ZNF507: variants seen among roughly 807,000 people sequenced by gnomAD.
The protein encoded by ZNF507 is zinc finger protein 507.
Under a neutral mutation model 80.0 loss-of-function variants are expected in ZNF507, and 29 were observed. The ratio of observed to expected loss-of-function variants is 0.36; its 90% CI spans 0.27 to 0.49. The LOEUF (loss-of-function observed/expected upper bound fraction) is 0.49. Among genes scored for constraint, ZNF507 ranks in the 20% least tolerant of loss-of-function variants. ZNF507 has a pLI of 0.98. For synonymous variants in ZNF507, 462 were observed against 422.5 expected, an observed-to-expected ratio of 1.09 and a Z score of -1.15; for missense variants, 1,081 against 1,152.2, an observed-to-expected ratio of 0.94 and a Z score of 0.90.
At position 32,383,233 on chromosome 19, in the gene ZNF507, T is replaced by A; in HGVS notation, c.*150T>A. The A allele has an allele frequency of 2.0e-6, 2 of 1,006,320 alleles. No homozygotes were observed. Among genetic ancestry groups the A allele is most frequent in the Non-Finnish European group, 2.9e-6 (2 of 698,410 alleles). The allele number at this position is 1,006,320 out of a possible 1,614,324, so 62.3% of individuals were successfully genotyped here. ...AGATGTGACTTTGGAACCAAACTTG[T>A]AATAAAAGGAATTCCAAATGGACAA... On this transcript the variant is annotated 3_prime_UTR_variant, in exon 7 of 7. Transcript: ENST00000355898.
intron 5 of ZNF507, among the ~76,000 whole-genome samples, chr19:32,377,525 A>G (rs1182545968): frequency 6.6e-6 from 1 of 152,252 alleles, no homozygotes; most frequent in Non-Finnish European, 1.5e-5. Context: ...TATATCTAGC[A>G]TTAACTCTTG....
chr19:32,356,640 G>GAAC lies in ZNF507; in HGVS notation c.2154_2156dup (p.Gln719dup). ...GAGTCAATTGAGGAACCATGAGAGA[G>GAAC]AACAGCACAGTCTTCCAGATACCTT... On this transcript the variant is annotated inframe_insertion, in exon 4 of 7. Transcript: ENST00000355898. 6.2e-7 allele frequency: 1 copy of GAAC among 1,614,080 alleles called. No individual in the cohort carries two copies. Among genetic ancestry groups the GAAC allele is most frequent in the South Asian group, 1.1e-5 (1 of 91,082 alleles).
rs2270399 is a variant in ZNF507, at chr19:32,382,792, A to G, written c.2571A>G (p.Ser857=). The change falls in exon 7 of 7, where the codon TCA becomes TCG. Residue 857 remains serine, a synonymous_variant. Coordinates refer to ENST00000355898, the MANE Select transcript of ZNF507 (RefSeq NM_001136156.2). ...EESADPVTGS[S]ENAVSSSELM... Reference sequence around the variant, plus strand: ...GTGCAGATCCCGTCACTGGAAGTTCAGAAAATGCAGTGTCATCTTCAGAAC... The same window carrying G: ...GTGCAGATCCCGTCACTGGAAGTTCGGAAAATGCAGTGTCATCTTCAGAAC... 0.9 allele frequency: 1,450,647 copies of G among 1,614,012 alleles called. 652,619 individuals are homozygous for G. The highest frequency in any genetic ancestry group is 0.98 in the African/African-American group (73,669 of 74,986).
At chr19:32,355,614 T>C (rs760012083) in intron 3 of ZNF507, among the ~76,000 whole-genome samples, 8 of 152,208 alleles carry the variant, frequency 5.3e-5, no homozygotes, top group Non-Finnish European at 1.0e-4. Context: ...AAACGTTGAA[T>C]CATTGGTTTA....
In ZNF507 at chr19:32,386,215, T is replaced by C. The variant is rs111237571; in HGVS notation, c.*3132T>C. Reference sequence around the variant, plus strand: ...CTTTGTTCTGGATCTTTCTTCCTATTGAAGGTGGCTGCTGGTGGCTTCATA... The same window carrying C: ...CTTTGTTCTGGATCTTTCTTCCTATCGAAGGTGGCTGCTGGTGGCTTCATA... On this transcript the variant is annotated 3_prime_UTR_variant, in exon 7 of 7. Transcript: ENST00000355898. 5 of 152,762 alleles carry C rather than the reference T, an allele frequency of 3.3e-5. No individual in the cohort carries two copies. The highest frequency in any genetic ancestry group is 1.2e-4 in the African/African-American group (5 of 41,582). The allele number at this position is 152,762 out of a possible 1,614,324, so 9.5% of individuals were successfully genotyped here.
Position 32,354,811 on chromosome 19 carries a change from C to G in ZNF507, c.1981C>G (p.Arg661Gly), listed in dbSNP as rs139938701. 4 of 1,614,160 alleles carry G rather than the reference C, an allele frequency of 2.5e-6. No homozygotes were observed. Among genetic ancestry groups the G allele is most frequent in the Non-Finnish European group, 3.4e-6 (4 of 1,180,034 alleles). Residue 661 changes from arginine (R) to glycine (G), a missense_variant, in exon 3 of 7, where the codon CGA (arginine) becomes GGA (glycine). Arg to Gly is a moderately radical substitution (Grantham distance 125). Coordinates refer to ENST00000355898, the MANE Select transcript of ZNF507 (RefSeq NM_001136156.2). ...CAAGGGCTACATCAAGCAGCACTTA[C>G]GAGTCCATCGACAGAGACAGCCTTA... ...GNKGYIKQHL[R>G]VHRQRQPYQC...
chr19:32,379,784 T>C (rs1007096566), intron 5 of ZNF507, among the ~76,000 whole-genome samples: 3 of 120,520 alleles, frequency 2.5e-5, no homozygotes, highest in African/African-American at 6.2e-5. Context: ...TGGGGGTTTT[T>C]TGGTTGTTGT....
rs531017302 is a variant in ZNF507, at chr19:32,385,138, T to A, written c.*2055T>A. On this transcript the variant is annotated 3_prime_UTR_variant, in exon 7 of 7. Transcript: ENST00000355898. The stretch of plus-strand genomic sequence containing the variant: ...CTTGGCTTTAGTTTTATATCATATT[T>A]AGAAAATAATAATGAAAAGCATCCC... 6.6e-6 allele frequency: 1 copy of A among 152,254 alleles called. No homozygotes were observed. Among genetic ancestry groups the A allele is most frequent in the African/African-American group, 2.4e-5 (1 of 41,562 alleles). 9.4% of individuals were successfully genotyped at this position (152,254 alleles called of 1,614,324 possible).
In ZNF507 at chr19:32,353,096, C is replaced by T. The variant is rs1967192772; in HGVS notation, c.266C>T (p.Pro89Leu). The T allele has an allele frequency of 5.0e-6, 8 of 1,614,042 alleles. No individual in the cohort carries two copies. Among genetic ancestry groups the T allele is most frequent in the Middle Eastern group, 1.6e-4 (1 of 6,084 alleles). The change falls in exon 3 of 7, where the codon CCG becomes CTG. Residue 89 changes from proline to leucine, a missense_variant. This residue lies in a region of ZNF507 where 275 missense variants were observed against 303.9 expected (regional missense o/e 0.90). Coordinates refer to ENST00000355898, the MANE Select transcript of ZNF507 (RefSeq NM_001136156.2). The part of the protein sequence containing the change: ...SLETQELCEI[P>L]AKVIQSPAAD... Reference sequence around the variant, plus strand: ...GAAACCCAAGAACTTTGTGAGATTCCGGCTAAAGTAATCCAGTCACCTGCT... The same window carrying T: ...GAAACCCAAGAACTTTGTGAGATTCTGGCTAAAGTAATCCAGTCACCTGCT...
intron 4 of ZNF507, 119 bp downstream of exon 4, chr19:32,356,852 C>T (rs762106724): frequency 2.7e-6 from 2 of 746,690 alleles, no homozygotes; most frequent in African/African-American, 1.7e-5. Flanking sequence ...ATTTTTGTAC[C>T]ATGGATGTGA....
Position 32,353,097 on chromosome 19 carries a change from G to T in ZNF507, c.267G>T (p.Pro89=). The change falls in exon 3 of 7, where the codon CCG becomes CCT. Residue 89 remains proline, a synonymous_variant. Transcript: ENST00000355898. ...SLETQELCEI[P]AKVIQSPAAD... is the part of the protein sequence containing the mutation. ...AAACCCAAGAACTTTGTGAGATTCC[G>T]GCTAAAGTAATCCAGTCACCTGCTG... 2 of 1,614,144 alleles carry T rather than the reference G, an allele frequency of 1.2e-6. No individual in the cohort carries two copies. The highest frequency in any genetic ancestry group is 1.7e-6 in the Non-Finnish European group (2 of 1,180,038).
At chr19:32,370,219 A>G (rs748523245) in intron 5 of ZNF507, among the ~76,000 whole-genome samples, 6 of 152,208 alleles carry the variant, frequency 3.9e-5, no homozygotes, top group Non-Finnish European at 7.3e-5. Context: ...TGAACATGGA[A>G]AGGCAGATAC....
chr19:32,369,490 C>CT (rs35661298), intron 5 of ZNF507, among the ~76,000 whole-genome samples: 3 of 152,016 alleles, frequency 2.0e-5, no homozygotes, highest in African/African-American at 7.2e-5. Context: ...TGGTTTAAGA[C>CT]TTTTTTTGGC....
At chr19:32,375,710 G>A (rs566167783) in intron 5 of ZNF507, among the ~76,000 whole-genome samples, 61 of 152,272 alleles carry the variant, frequency 4.0e-4, no homozygotes, top group African/African-American at 1.4e-3. Flanking sequence ...GGATGGTACG[G>A]ATTCATCACT....
intron 2 of ZNF507, among the ~76,000 whole-genome samples, chr19:32,350,200 C>CTT (rs11354466): frequency 1.4e-5 from 2 of 141,442 alleles, no homozygotes; most frequent in African/African-American, 5.2e-5. Context: ...TTTATCTAAC[C>CTT]TTTTTTTTTT....
intron 5 of ZNF507, among the ~76,000 whole-genome samples, chr19:32,376,041 C>T (rs1967541655): frequency 6.6e-6 from 1 of 152,098 alleles, no homozygotes; most frequent in Non-Finnish European, 1.5e-5. Context: ...CTGCATAAAA[C>T]AATAGAGAAT....
intron 5 of ZNF507, chr19:32,380,535 T>C (rs951992904): frequency 2.1e-6 from 3 of 1,430,530 alleles, no homozygotes; most frequent in Non-Finnish European, 2.8e-6. Context: ...CGTATTTAAT[T>C]GTTTTATTTA....
chr19:32,363,452 A>ATGACCCC (rs1296528565), intron 5 of ZNF507, among the ~76,000 whole-genome samples: 1 of 152,110 alleles, frequency 6.6e-6, no homozygotes, highest in Non-Finnish European at 1.5e-5. Flanking sequence ...CAGTCCTTCA[A>ATGACCCC]TGACCCCATC....
intron 5 of ZNF507, among the ~76,000 whole-genome samples, chr19:32,367,029 G>T (rs1163194511): frequency 6.6e-6 from 1 of 152,192 alleles, no homozygotes; most frequent in Non-Finnish European, 1.5e-5. Flanking sequence ...AATACCTGAG[G>T]CTGGGTAATT....
Sources: gnomAD v4.1 joint callset for allele counts (sites outside exome capture counted in the v4.1 genomes callset) on GRCh38, gnomAD v4.1.1 for gene constraint, gnomAD v4.1.1 regional missense constraint, MANE v1.5 for transcripts, NCBI Gene and HGNC (gene_info 2026-07-23, HGNC 2026-07-21) for gene names.